PLCL1: variants seen among roughly 807,000 people sequenced by gnomAD.
PLCL1 encodes the protein inactive phospholipase C-like protein 1.
In PLCL1, 41 loss-of-function variants were observed where a neutral mutation model predicts 84.4. The observed-to-expected ratio is 0.49, with a 90% CI of 0.38 to 0.63. PLCL1 has a LOEUF of 0.63. PLCL1 is among the 30% of genes least tolerant of loss of function. The pLI is 0.00. For synonymous variants in PLCL1, 490 were observed against 488.3 expected, an observed-to-expected ratio of 1.00 and a Z score of -0.05; for missense variants, 1,206 against 1,367.8, an observed-to-expected ratio of 0.88 and a Z score of 1.87.
intron 1 of PLCL1, among the ~76,000 whole-genome samples, chr2:197,934,980 C>T (rs1318514568): frequency 2.6e-5 from 4 of 152,084 alleles, no homozygotes; most frequent in African/African-American, 9.7e-5. Context: ...AGGACATGAA[C>T]AGACACTTTT....
chr2:198,130,680 G>C (rs1468612636), intron 5 of PLCL1, among the ~76,000 whole-genome samples: 1 of 152,008 alleles, frequency 6.6e-6, no homozygotes, highest in Non-Finnish European at 1.5e-5. Context: ...TGACAACTCA[G>C]AGTTATCCAA....
At chr2:198,009,829 T>G (rs1275672341) in intron 1 of PLCL1, among the ~76,000 whole-genome samples, 1 of 152,092 alleles carries the variant, frequency 6.6e-6, no homozygotes, top group African/African-American at 2.4e-5. Context: ...TGTCTTTCCA[T>G]TTACTTGTAT....
intron 1 of PLCL1, among the ~76,000 whole-genome samples, chr2:197,876,700 CTTCT>C (rs1285369626): frequency 6.6e-6 from 1 of 152,014 alleles, no homozygotes; most frequent in African/African-American, 2.4e-5. Context: ...CTACACTTGC[CTTCT>C]TTGTCAGTGA....
intron 1 of PLCL1, among the ~76,000 whole-genome samples, chr2:197,813,675 G>T (rs528891073): frequency 1.3e-5 from 2 of 151,964 alleles, no homozygotes; most frequent in Admixed American, 1.3e-4. Flanking sequence ...GAGCATTAAC[G>T]TGTGTCAAAT....
At chr2:197,813,200 G>A (rs887769189) in intron 1 of PLCL1, among the ~76,000 whole-genome samples, 2 of 152,192 alleles carry the variant, frequency 1.3e-5, no homozygotes, top group Admixed American at 6.5e-5. Flanking sequence ...CTACAGGTCA[G>A]CCCTGATTGT....
intron 1 of PLCL1, among the ~76,000 whole-genome samples, chr2:198,058,322 C>G (rs956962066): frequency 2.6e-5 from 4 of 151,986 alleles, no homozygotes; most frequent in Non-Finnish European, 4.4e-5. Context: ...AAAACAGTAC[C>G]TTTAATCAAA....
At chr2:197,862,898 C>T (rs997820811) in intron 1 of PLCL1, among the ~76,000 whole-genome samples, 29 of 152,002 alleles carry the variant, frequency 1.9e-4, no homozygotes, top group Non-Finnish European at 1.2e-4. Flanking sequence ...CAGATTGAGA[C>T]TGGAGAAGAG....
intron 1 of PLCL1, among the ~76,000 whole-genome samples, chr2:198,075,993 C>T (rs927359969): frequency 1.3e-5 from 2 of 152,090 alleles, no homozygotes; most frequent in Non-Finnish European, 2.9e-5. Context: ...TGCAGAAAAA[C>T]CCTAACTGGA....
intron 5 of PLCL1, among the ~76,000 whole-genome samples, chr2:198,139,459 G>A (rs140110883): frequency 6.6e-6 from 1 of 152,138 alleles, no homozygotes; most frequent in South Asian, 2.1e-4. Context: ...ATATCTAATT[G>A]CATTCATATT....
chr2:197,912,555 C>CAAT lies in PLCL1; in HGVS notation c.240+107217_240+107219dup, dbSNP rs1429613095. ...ACTTGGAACCAACCCAAATGTCCTA[C>CAAT]AATGATAGACTGGATTAAGAAAATG... On this transcript the variant is annotated intron_variant, in intron 1 of 5. Coordinates refer to ENST00000428675, the MANE Select transcript of PLCL1 (RefSeq NM_006226.4). Among the ~76,000 whole-genome samples, 6 of 150,648 alleles carry CAAT rather than the reference C, an allele frequency of 4.0e-5. No individual in the cohort carries two copies. In the South Asian group the frequency reaches 1.3e-3, roughly 32 times the overall value.
At chr2:198,102,590 A>G (rs1693373915) in intron 4 of PLCL1, among the ~76,000 whole-genome samples, 1 of 152,080 alleles carries the variant, frequency 6.6e-6, no homozygotes, top group African/African-American at 2.4e-5. Context: ...GCAAGTTCCC[A>G]CAGAGCTCAG....
intron 5 of PLCL1, among the ~76,000 whole-genome samples, chr2:198,114,779 G>A (rs1156841591): frequency 1.4e-5 from 2 of 146,580 alleles, no homozygotes; most frequent in African/African-American, 5.0e-5. Flanking sequence ...AGAGCAAAAT[G>A]AGTTCACTTC....
chr2:198,102,109 G>A (rs906795359), intron 4 of PLCL1, among the ~76,000 whole-genome samples: 1 of 151,952 alleles, frequency 6.6e-6, no homozygotes, highest in East Asian at 1.9e-4. Flanking sequence ...ATCAACACGC[G>A]GTGGAGCTGC....
intron 1 of PLCL1, among the ~76,000 whole-genome samples, chr2:198,081,902 G>C (rs529471035): frequency 2.6e-5 from 4 of 152,040 alleles, no homozygotes; most frequent in Non-Finnish European, 5.9e-5. Flanking sequence ...TGAAGGATAT[G>C]GTCCAGACTA....
chr2:198,062,505 T>C (rs1692227304), intron 1 of PLCL1, among the ~76,000 whole-genome samples: 1 of 152,186 alleles, frequency 6.6e-6, no homozygotes, highest in Non-Finnish European at 1.5e-5. Context: ...CTCCCTATTA[T>C]ATTGCAATAC....
chr2:197,958,801 A>G (rs1689545146), intron 1 of PLCL1, among the ~76,000 whole-genome samples: 1 of 151,922 alleles, frequency 6.6e-6, no homozygotes, highest in South Asian at 2.1e-4. Flanking sequence ...CTCTACTCTC[A>G]AGCACAGGAG....
chr2:198,109,935 A>T (rs1675644481), intron 5 of PLCL1, among the ~76,000 whole-genome samples: 1 of 151,440 alleles, frequency 6.6e-6, no homozygotes, highest in Non-Finnish European at 1.5e-5. Context: ...TAAAAATAAT[A>T]TTAAAGAAAT....
At chr2:197,947,282 C>A (rs1207253153) in intron 1 of PLCL1, among the ~76,000 whole-genome samples, 6 of 145,424 alleles carry the variant, frequency 4.1e-5, no homozygotes, top group African/African-American at 1.5e-4. Context: ...TATGTATGAG[C>A]AAAATAGTGC....
intron 1 of PLCL1, among the ~76,000 whole-genome samples, chr2:197,872,267 C>T (rs575552724): frequency 2.9e-4 from 44 of 152,210 alleles, no homozygotes; most frequent in African/African-American, 1.0e-3. Flanking sequence ...AGGAAGTTCT[C>T]TCAATGAAAT....
Sources: allele counts gnomAD v4.1 joint callset (sites outside exome capture counted in the v4.1 genomes callset), GRCh38; gene constraint gnomAD v4.1.1; transcripts MANE v1.5; gene names NCBI Gene and HGNC (gene_info 2026-07-23, HGNC 2026-07-21).